The following PRRG1 variants were observed in gnomAD, a reference collection of about 807,000 sequenced individuals.
PRRG1 encodes the protein proline rich and Gla domain 1, also known as transmembrane gamma-carboxyglutamic acid protein 1.
A neutral mutation model predicts 11.8 loss-of-function variants in PRRG1; 5 were observed. That is an observed-to-expected ratio of 0.42 (90% confidence interval 0.22 to 0.89). The LOEUF (loss-of-function observed/expected upper bound fraction) is 0.89. Among genes scored for constraint, PRRG1 ranks in the 40% least tolerant of loss-of-function variants. The pLI, the probability that PRRG1 is intolerant of heterozygous loss-of-function variation, is 0.28. For synonymous variants in PRRG1, 66 were observed against 60.4 expected (o/e 1.09, Z -0.43); for missense variants, 155 against 166.1 (o/e 0.93, Z 0.37).
intron 1 of PRRG1, among the ~76,000 whole-genome samples, chrX:37,350,070 G>T (rs1280710144): frequency 9.8e-6 from 1 of 102,354 alleles, no homozygotes; most frequent in East Asian, 3.1e-4. Context: ...GGGGGAGGCG[G>T]CGTGGGGGGA....
intron 1 of PRRG1, among the ~76,000 whole-genome samples, chrX:37,399,132 G>A (rs1284352065): frequency 1.8e-4 from 20 of 111,039 alleles, no homozygotes; most frequent in African/African-American, 5.9e-4. Flanking sequence ...TACAGAGAAT[G>A]CCACAAAGAT....
rs1932187027 is a variant in PRRG1, at chrX:37,406,270, C to T, written c.10+11C>T. 1 of 1,196,341 alleles carries T rather than the reference C, an allele frequency of 8.4e-7. No homozygotes were observed. The highest frequency in any genetic ancestry group is 1.8e-5 in the African/African-American group (1 of 56,775). On this transcript the variant is annotated intron_variant, in intron 2 of 3. Coordinates refer to ENST00000378628, the MANE Select transcript of PRRG1 (RefSeq NM_001142395.2). ...AAAACATGGGGAGGGGTAAGTTTCT[C>T]TTCCTTTTTAAGTAATTCAGACTGT...
At chrX:37,356,349 A>G (rs1440684910) in intron 1 of PRRG1, among the ~76,000 whole-genome samples, 1 of 111,526 alleles carries the variant, frequency 9.0e-6, no homozygotes, top group Non-Finnish European at 1.9e-5. Context: ...CTTGTAGAAG[A>G]TAAGAAAACC....
intron 1 of PRRG1, among the ~76,000 whole-genome samples, chrX:37,405,956 G>A (rs113879863): frequency 6.3e-5 from 7 of 111,754 alleles, no homozygotes; most frequent in African/African-American, 2.3e-4. Flanking sequence ...TTTGGCACAC[G>A]CAGAAACTAG....
rs1290316809 is a variant in PRRG1, at chrX:37,454,516, A to G, written c.*895A>G. 1.8e-5 allele frequency: 2 copies of G among 112,197 alleles called. No homozygotes were observed. Among genetic ancestry groups the G allele is most frequent in the Non-Finnish European group, 3.8e-5 (2 of 53,257 alleles). The allele number at this position is 112,197 out of a possible 1,213,427, so 9.2% of individuals were successfully genotyped here. Reference sequence around the variant, plus strand: ...CCACTGTTTTATTGCCTTTTACTGTACGTTCTACACTCTGTCCTACTCCCA... The same window carrying G: ...CCACTGTTTTATTGCCTTTTACTGTGCGTTCTACACTCTGTCCTACTCCCA... On this transcript the variant is annotated 3_prime_UTR_variant, in exon 4 of 4. Transcript: ENST00000378628.
chrX:37,429,770 G>A (rs1250809623), intron 3 of PRRG1, among the ~76,000 whole-genome samples: 3 of 111,595 alleles, frequency 2.7e-5, no homozygotes, highest in African/African-American at 9.8e-5. Context: ...TGTATTAGTC[G>A]TTTTTACACT....
chrX:37,421,757 A>G (rs1363520936), intron 2 of PRRG1, among the ~76,000 whole-genome samples: 2 of 112,384 alleles, frequency 1.8e-5, no homozygotes, highest in Non-Finnish European at 3.8e-5. Context: ...TTCTGGTATC[A>G]TCATTTAGGG....
intron 2 of PRRG1, 193 bp from the exon 3 acceptor site, chrX:37,425,647 C>G: frequency 2.7e-6 from 1 of 369,932 alleles, no homozygotes; most frequent in Non-Finnish European, 4.7e-6. Context: ...CCCAGGGCAA[C>G]TGCTATTGAA....
At chrX:37,436,688 A>G (rs112817571) in intron 3 of PRRG1, among the ~76,000 whole-genome samples, 390 of 112,497 alleles carry the variant, frequency 3.5e-3, no homozygotes, top group South Asian at 0.01. Context: ...AGCCAGATTC[A>G]GAATATTTTC....
At chrX:37,353,118 C>T (rs781889899) in intron 1 of PRRG1, among the ~76,000 whole-genome samples, 83 of 111,798 alleles carry the variant, frequency 7.4e-4, no homozygotes, top group African/African-American at 2.6e-3. Context: ...ATGATATCTC[C>T]ACCCATGTTA....
At position 37,454,147 on chromosome X, in the gene PRRG1, A is replaced by G. The variant is rs1921264025; in HGVS notation, c.*526A>G. 1 of 112,352 alleles carries G rather than the reference A, an allele frequency of 8.9e-6. No homozygotes were observed. Among genetic ancestry groups the G allele is most frequent in the African/African-American group, 3.2e-5 (1 of 30,916 alleles). The allele number at this position is 112,352 out of a possible 1,213,427, so 9.3% of individuals were successfully genotyped here. A position where few individuals can be genotyped will look rare whatever the true frequency, so the allele number is the denominator to read the frequency against. ...TTCTTCATCTACCTTAAAAAGAAAA[A>G]AATTACACATAGTCATTCTTGATGT... is the stretch of plus-strand genomic sequence containing the variant. On this transcript the variant is annotated 3_prime_UTR_variant, in exon 4 of 4. Coordinates refer to ENST00000378628, the MANE Select transcript of PRRG1 (RefSeq NM_001142395.2).
At chrX:37,418,241 G>C (rs921200539) in intron 2 of PRRG1, among the ~76,000 whole-genome samples, 6 of 111,952 alleles carry the variant, frequency 5.4e-5, no homozygotes, top group African/African-American at 3.2e-5. Flanking sequence ...CTCAATGCAG[G>C]GTTGGTGAAA....
intron 3 of PRRG1, among the ~76,000 whole-genome samples, chrX:37,432,239 C>A (rs1209298079): frequency 9.0e-6 from 1 of 110,712 alleles, no homozygotes; most frequent in Non-Finnish European, 1.9e-5. Flanking sequence ...AGACGCCTGC[C>A]ACCACGCCCG....
At chrX:37,388,344 T>A (rs185183503) in intron 1 of PRRG1, among the ~76,000 whole-genome samples, 2 of 112,738 alleles carry the variant, frequency 1.8e-5, no homozygotes, top group Admixed American at 1.9e-4. Flanking sequence ...ACCCCAAATT[T>A]CTCCTCCTTA....
At chrX:37,407,740 G>GT (rs781872113) in intron 2 of PRRG1, among the ~76,000 whole-genome samples, 2 of 111,827 alleles carry the variant, frequency 1.8e-5, no homozygotes, top group South Asian at 7.5e-4. Flanking sequence ...TATCTTCATT[G>GT]TTTTTTTAAT....
At chrX:37,444,319 C>T (rs1933035742) in intron 3 of PRRG1, among the ~76,000 whole-genome samples, 1 of 111,793 alleles carries the variant, frequency 8.9e-6, no homozygotes, top group Non-Finnish European at 1.9e-5. Context: ...TTAAAACCAT[C>T]AGGTCACTGC....
intron 3 of PRRG1, among the ~76,000 whole-genome samples, chrX:37,429,061 C>T (rs1932800845): frequency 8.9e-6 from 1 of 112,351 alleles, no homozygotes; most frequent in Admixed American, 9.3e-5. Context: ...CCCTAGGCTG[C>T]ACACAGCATG....
At chrX:37,428,763 G>T (rs781861581) in intron 3 of PRRG1, among the ~76,000 whole-genome samples, 6 of 112,425 alleles carry the variant, frequency 5.3e-5, no homozygotes, top group Non-Finnish European at 1.1e-4. Flanking sequence ...ACTCTGTGTG[G>T]GGGCTCTGAC....
At chrX:37,426,324 G>GA (rs1374101000) in intron 3 of PRRG1, among the ~76,000 whole-genome samples, 3 of 112,109 alleles carry the variant, frequency 2.7e-5, no homozygotes, top group Non-Finnish European at 5.6e-5. Flanking sequence ...TAATTACAGA[G>GA]AAAGTGTGGA....
Sources: allele counts gnomAD v4.1 joint callset (sites outside exome capture counted in the v4.1 genomes callset), GRCh38; gene constraint gnomAD v4.1.1; transcripts MANE v1.5; gene names NCBI Gene and HGNC (gene_info 2026-07-23, HGNC 2026-07-21).